The following DOCK5 variants were observed in gnomAD, a reference collection of about 807,000 sequenced individuals.
DOCK5 encodes dedicator of cytokinesis protein 5.
A neutral mutation model predicts 251.8 loss-of-function variants in DOCK5; 142 were observed. The observed-to-expected ratio is 0.56, with a 90% CI of 0.49 to 0.65. The LOEUF (loss-of-function observed/expected upper bound fraction) is 0.65. Ranked by LOEUF, DOCK5 falls within the 30% of genes least tolerant of loss-of-function variation. DOCK5 has a pLI of 0.00. For missense variants in DOCK5, 2,111 were observed against 2,312.3 expected (o/e 0.91, Z 1.79); for synonymous variants, 842 against 835.5 (o/e 1.01, Z -0.13).
At chr8:25,213,568 A>G (rs1802157223) in intron 1 of DOCK5, among the ~76,000 whole-genome samples, 1 of 151,762 alleles carries the variant, frequency 6.6e-6, no homozygotes, top group Non-Finnish European at 1.5e-5. Context: ...AGGGTCTGGC[A>G]TTTTCATTTT....
chr8:25,258,170 T>C (rs189977164), intron 2 of DOCK5, among the ~76,000 whole-genome samples: 23 of 152,030 alleles, frequency 1.5e-4, no homozygotes, highest in Admixed American at 9.2e-4. Flanking sequence ...AATTTGGATA[T>C]ATCATCTCTC....
chr8:25,338,848 G>T lies in DOCK5; in HGVS notation c.2328-2029G>T, dbSNP rs146080598. ...TGAAATTAAAATATATTTTCTTATG[G>T]ATGGTTCACTAGTTCATTTCCTCTT... On this transcript the variant is annotated intron_variant, in intron 22 of 51. Transcript: ENST00000276440. 1.9e-3 allele frequency among the ~76,000 whole-genome samples: 293 copies of T among 152,270 alleles called. 3 individuals carry two copies. Among genetic ancestry groups the T allele is most frequent in the African/African-American group, 6.9e-3 (285 of 41,544 alleles).
At position 25,380,411 on chromosome 8, in the gene DOCK5, A is replaced by G. The variant is rs529582341; in HGVS notation, c.4026+17A>G. 4.4e-6 allele frequency: 7 copies of G among 1,593,860 alleles called. No individual in the cohort carries two copies. The East Asian group carries it at 1.1e-4, about 26-fold the overall frequency. On this transcript the variant is annotated intron_variant, in intron 39 of 51. Transcript: ENST00000276440. Reference sequence around the variant, plus strand: ...AACCTCCTGGTGAGTCTGGGTCAAAATATGTTAGGCCTCTGACAGGGTTGC... The same window carrying G: ...AACCTCCTGGTGAGTCTGGGTCAAAGTATGTTAGGCCTCTGACAGGGTTGC...
rs184216190 is a variant in DOCK5 at position 25,285,090 on chromosome 8, G to C, written c.321+6425G>C. Among the ~76,000 whole-genome samples the C allele has an allele frequency of 8.5e-5, 13 of 152,288 alleles. No homozygotes were observed. The East Asian group carries it at 2.5e-3, about 29-fold the overall frequency. ...TACTCCTTATGGAAAAGAGATAGAA[G>C]ATCTTTTTTGGTGATAGAAGGTATT... On this transcript the variant is annotated intron_variant, in intron 5 of 51. Coordinates refer to ENST00000276440, the MANE Select transcript of DOCK5 (RefSeq NM_024940.8).
At position 25,403,399 on chromosome 8, in the gene DOCK5, A is replaced by C. The variant is rs563057184; in HGVS notation, c.4927-159A>C. ...AGTATCAGTACATGCAATATTTAAC[A>C]ATAGAGGCAGCACAGGCACCAACCA... On this transcript the variant is annotated intron_variant, in intron 47 of 51. Transcript: ENST00000276440. Among the ~76,000 whole-genome samples the C allele has an allele frequency of 2.0e-5, 3 of 152,266 alleles. No individual in the cohort carries two copies. The East Asian group carries it at 5.8e-4, about 29-fold the overall frequency.
chr8:25,364,589 A>G (rs372039929), intron 29 of DOCK5, 37 bp from the exon 30 acceptor site: 61 of 1,482,172 alleles, frequency 4.1e-5, no homozygotes, highest in Non-Finnish European at 5.6e-5. Flanking sequence ...CAAAGGACAT[A>G]CAGTTGGCTT....
chr8:25,370,580 C>T (rs533450971), intron 34 of DOCK5, among the ~76,000 whole-genome samples: 22 of 152,234 alleles, frequency 1.4e-4, no homozygotes, highest in African/African-American at 5.3e-4. Flanking sequence ...TGATAGCTCA[C>T]TAAAGCCTTG....
intron 27 of DOCK5, among the ~76,000 whole-genome samples, chr8:25,356,035 C>CA (rs375002413): frequency 0.89 from 117,950 of 132,672 alleles, 53,131 homozygotes; most frequent in Non-Finnish European, 0.97. Context: ...TATTAAAATA[C>CA]AAAAAAAAAA....
intron 2 of DOCK5, among the ~76,000 whole-genome samples, chr8:25,256,468 G>A (rs1481152683): frequency 6.6e-6 from 1 of 151,754 alleles, no homozygotes; most frequent in Non-Finnish European, 1.5e-5. Context: ...GCGAAAACCC[G>A]TCTCTACTAA....
chr8:25,319,911 A>T (rs189206735), intron 15 of DOCK5, among the ~76,000 whole-genome samples: 9 of 152,352 alleles, frequency 5.9e-5, no homozygotes, highest in Non-Finnish European at 1.2e-4. Flanking sequence ...CGTGATGGAT[A>T]TAATAGACTG....
intron 9 of DOCK5, among the ~76,000 whole-genome samples, chr8:25,301,136 G>A (rs551850816): frequency 6.6e-6 from 1 of 152,284 alleles, no homozygotes; most frequent in Admixed American, 6.5e-5. Context: ...TAAGTGAAAA[G>A]GTAAAACTTT....
chr8:25,393,468 G>A (rs141790940), intron 44 of DOCK5, among the ~76,000 whole-genome samples: 15 of 152,208 alleles, frequency 9.9e-5, no homozygotes, highest in Middle Eastern at 3.4e-3. Flanking sequence ...ATGGCTCCAA[G>A]TACCTGGAGT....
Position 25,323,881 on chromosome 8 carries a change from C to G in DOCK5, c.1649C>G (p.Ala550Gly), listed in dbSNP as rs753921441. The G allele has an allele frequency of 6.2e-6, 10 of 1,613,384 alleles. No individual in the cohort carries two copies. Among genetic ancestry groups the G allele is most frequent in the South Asian group, 2.2e-5 (2 of 90,920 alleles). ...AAATCGGAGCGAGCATTTGGGGTGGCCTTCGTGAAGCTGATGAACCCGGAT... is the reference window on the plus strand; with the variant it reads ...AAATCGGAGCGAGCATTTGGGGTGGGCTTCGTGAAGCTGATGAACCCGGAT... ...RDKSERAFGV[A>G]FVKLMNPDGT... The change falls in exon 17 of 52, where the codon GCC (alanine) becomes GGC (glycine). Residue 550 changes from alanine to glycine, a missense_variant. Around this residue, in one of 3 missense-constraint regions of DOCK5, gnomAD observed 1,717 missense variants for 1,892.4 expected, o/e 0.91. Transcript: ENST00000276440.
intron 23 of DOCK5, among the ~76,000 whole-genome samples, 200 bp from the exon 24 acceptor site, chr8:25,341,539 C>T (rs1301114029): frequency 6.6e-6 from 1 of 152,288 alleles, no homozygotes; most frequent in African/African-American, 2.4e-5. Flanking sequence ...AACCAGAAAG[C>T]TGTACCCCCT....
chr8:25,203,452 A>C (rs1586225549), intron 1 of DOCK5, among the ~76,000 whole-genome samples: 1 of 152,236 alleles, frequency 6.6e-6, no homozygotes, highest in African/African-American at 2.4e-5. Context: ...AATTCTTTTC[A>C]TGTTTGAGCT....
chr8:25,260,216 G>A (rs974293285), intron 2 of DOCK5, among the ~76,000 whole-genome samples: 2 of 152,178 alleles, frequency 1.3e-5, no homozygotes, highest in Admixed American at 1.3e-4. Context: ...AACCTGACGA[G>A]CTTACCTGGC....
At chr8:25,190,846 C>T (rs973282403) in intron 1 of DOCK5, among the ~76,000 whole-genome samples, 6 of 125,822 alleles carry the variant, frequency 4.8e-5, no homozygotes, top group South Asian at 2.6e-4. Context: ...TGCAGTGGCG[C>T]GATCTCGGCT....
At chr8:25,275,355 G>T in intron 3 of DOCK5, 31 bp from the exon 4 acceptor site, 1 of 1,564,882 alleles carries the variant, frequency 6.4e-7, no homozygotes, top group South Asian at 1.2e-5. Flanking sequence ...TTGTTTTTAT[G>T]GCCATATAAC....
At chr8:25,334,591 G>C (rs1417217939) in intron 21 of DOCK5, among the ~76,000 whole-genome samples, 2 of 151,978 alleles carry the variant, frequency 1.3e-5, no homozygotes, top group African/African-American at 4.8e-5. Context: ...CACACCTGTA[G>C]TCCTAGCTAC....
Sources: allele counts gnomAD v4.1 joint callset (sites outside exome capture counted in the v4.1 genomes callset), GRCh38; gene constraint gnomAD v4.1.1; regional missense constraint gnomAD v4.1.1; transcripts MANE v1.5; gene names NCBI Gene and HGNC (gene_info 2026-07-23, HGNC 2026-07-21).